Variants in KATNA1 observed in about 807,000 individuals in gnomAD.
KATNA1 encodes the protein katanin p60 ATPase-containing subunit A1.
In KATNA1, 42 loss-of-function variants were observed where a neutral mutation model predicts 62.6. The ratio of observed to expected loss-of-function variants is 0.67; its 90% CI spans 0.52 to 0.87. KATNA1 has a LOEUF of 0.87. KATNA1 is among the 40% of genes least tolerant of loss of function. The probability of loss-of-function intolerance (pLI) is 0.00; values close to 1 mark genes in which losing one functional copy is unlikely to be tolerated. For synonymous variants in KATNA1, 186 were observed against 201.9 expected (o/e 0.92, Z 0.67); for missense variants, 498 against 612.5 (o/e 0.81, Z 1.97).
At chr6:149,645,595 C>T (rs1437618876) in intron 1 of KATNA1, among the ~76,000 whole-genome samples, 3 of 152,032 alleles carry the variant, frequency 2.0e-5, no homozygotes, top group African/African-American at 7.2e-5. Context: ...CTTGGTTACA[C>T]AGATTATTAG....
At chr6:149,638,343 G>A (rs190393533) in intron 2 of KATNA1, 43 bp downstream of exon 2, 73 of 1,575,112 alleles carry the variant, frequency 4.6e-5, no homozygotes, top group Non-Finnish European at 6.0e-5. Context: ...TTTCTCTTCC[G>A]AGTACTTAAG....
chr6:149,647,988 G>C (rs1461094204), intron 1 of KATNA1, among the ~76,000 whole-genome samples: 2 of 152,110 alleles, frequency 1.3e-5, no homozygotes, highest in Non-Finnish European at 2.9e-5. Context: ...TAAACCAAAA[G>C]GCCCACAGGC....
chr6:149,600,623 A>G (rs1464278243), intron 7 of KATNA1, among the ~76,000 whole-genome samples: 1 of 151,832 alleles, frequency 6.6e-6, no homozygotes, highest in Non-Finnish European at 1.5e-5. Context: ...ACAGAATGAG[A>G]CCCTGTCAAA....
intron 3 of KATNA1, among the ~76,000 whole-genome samples, chr6:149,624,779 AAAAC>A (rs548979451): frequency 6.6e-6 from 1 of 151,618 alleles, no homozygotes; most frequent in Non-Finnish European, 1.5e-5. Flanking sequence ...TACAAGGGGG[AAAAC>A]AAACAAACAA....
rs1240550719 is a variant in KATNA1 at position 149,597,608 on chromosome 6, G to A, written c.1049C>T (p.Ser350Phe). The change falls in exon 9 of 11, where the codon TCC becomes TTC. Residue 350 changes from serine (S) to phenylalanine (F), a missense_variant. Around this residue, in one of 3 missense-constraint regions of KATNA1, gnomAD observed 267 missense variants for 372.6 expected, o/e 0.72. Transcript: ENST00000367411. The part of the protein sequence containing the change: ...VGGTSENDDP[S>F]KMVMVLAATN... ...AGCTGCCAGAACCATAACCATTTTG[G>A]AAGGGTCATCATTTTCAGAAGTACC... is the stretch of plus-strand genomic sequence containing the variant. 1 of 1,613,944 alleles carries A rather than the reference G, an allele frequency of 6.2e-7. No homozygotes were observed.
At chr6:149,630,729 T>A (rs1413407916) in intron 3 of KATNA1, among the ~76,000 whole-genome samples, 2 of 152,242 alleles carry the variant, frequency 1.3e-5, no homozygotes, top group Non-Finnish European at 2.9e-5. Context: ...TCTCAAAATG[T>A]GGCCTATGGA....
At chr6:149,640,737 T>G (rs888605625) in intron 1 of KATNA1, among the ~76,000 whole-genome samples, 1 of 152,010 alleles carries the variant, frequency 6.6e-6, no homozygotes, top group East Asian at 2.0e-4. Flanking sequence ...TTAGTAGAGA[T>G]AGGGTTTCAC....
intron 1 of KATNA1, among the ~76,000 whole-genome samples, chr6:149,646,395 G>C (rs1780489899): frequency 6.6e-6 from 1 of 152,128 alleles, no homozygotes; most frequent in South Asian, 2.1e-4. Flanking sequence ...GCCCAATCAT[G>C]CATCTTCCTG....
In KATNA1 at chr6:149,623,147, G is replaced by T. The variant is rs373230292; in HGVS notation, c.457C>A (p.Arg153Ser). 3 of 1,608,654 alleles carry T rather than the reference G, an allele frequency of 1.9e-6. No individual in the cohort carries two copies. The African/African-American group carries it at 4.0e-5, about 22-fold the overall frequency. The change falls in exon 4 of 11, where the codon CGT (arginine) becomes AGT (serine). Residue 153 changes from arginine (R) to serine (S), a missense_variant. By Grantham distance (110) the Arg-to-Ser change is moderately radical (BLOSUM62 -1). Transcript: ENST00000367411. ...NVHNDRGKAV[R>S]CREKKEQNKG... ...TTCTGTTCTTTCTTTTCACGACAAC[G>T]AACAGCTTTCCCTCTGTCATTGTGA...
chr6:149,608,311 CA>C (rs1292596273), intron 4 of KATNA1, among the ~76,000 whole-genome samples: 1 of 152,160 alleles, frequency 6.6e-6, no homozygotes, highest in Non-Finnish European at 1.5e-5. Flanking sequence ...GGAACTCAAA[CA>C]TGGTGTGAGT....
chr6:149,603,213 C>G, intron 6 of KATNA1, 55 bp downstream of exon 6: 1 of 725,818 alleles, frequency 1.4e-6, no homozygotes, highest in Non-Finnish European at 2.4e-6. Context: ...TATTGGCTCT[C>G]TGTATCAACA....
chr6:149,601,689 C>G lies in KATNA1; in HGVS notation c.793G>C (p.Glu265Gln). The G allele has an allele frequency of 6.2e-7, 1 of 1,612,826 alleles. No homozygotes were observed. Among genetic ancestry groups the G allele is most frequent in the Non-Finnish European group, 8.5e-7 (1 of 1,179,626 alleles). The part of the protein sequence containing the change: ...KTLLAKAVAT[E>Q]CKTTFFNVSS... ...ACATTGAAGAATGTTGTCTTGCATT[C>G]TGTAGCTACTGCTTTAGCAAGGAGC... is the stretch of plus-strand genomic sequence containing the variant. Residue 265 changes from glutamate (E) to glutamine (Q), a missense_variant, in exon 7 of 11, where the codon GAA becomes CAA. Transcript: ENST00000367411.
chr6:149,626,292 C>CTTTTTATTTTTTTTTTTTT (rs1779604745), intron 3 of KATNA1, among the ~76,000 whole-genome samples: 1 of 88,748 alleles, frequency 1.1e-5, no homozygotes, highest in Admixed American at 1.6e-4. Context: ...ATAACATTTA[C>CTTTTTATTTTTTTTTTTTT]TTTTTTTTTT....
Position 149,595,086 on chromosome 6 carries a change from C to T in KATNA1, c.1426G>A (p.Ala476Thr), listed in dbSNP as rs2115069085. The T allele has an allele frequency of 1.2e-6, 2 of 1,614,056 alleles. No individual in the cohort carries two copies. The highest frequency in any genetic ancestry group is 1.7e-6 in the Non-Finnish European group (2 of 1,179,982). ...CATTTCTCGTATCTTTCAATGTCTG[C>T]AGCAGACACTGACTTAGAAACCTTT... is the stretch of plus-strand genomic sequence containing the variant. ...LKKVSKSVSA[A>T]DIERYEKWIF... Residue 476 changes from alanine to threonine, a missense_variant, in exon 11 of 11, where the codon GCA (alanine) becomes ACA (threonine). This residue lies in a region of KATNA1 where 267 missense variants were observed against 372.6 expected (regional missense o/e 0.72). Coordinates refer to ENST00000367411, the MANE Select transcript of KATNA1 (RefSeq NM_007044.4).
chr6:149,595,661 T>TA (rs918509604), intron 10 of KATNA1, among the ~76,000 whole-genome samples: 1,757 of 143,244 alleles, frequency 0.012, 26 homozygotes, highest in African/African-American at 0.035. Flanking sequence ...TCATTTGTGT[T>TA]AAAAAAAAAA....
intron 3 of KATNA1, among the ~76,000 whole-genome samples, chr6:149,632,462 A>C (rs756734807): frequency 6.6e-6 from 1 of 152,174 alleles, no homozygotes; most frequent in African/African-American, 2.4e-5. Context: ...AAAGACAGAC[A>C]CGGAGCTTGG....
chr6:149,638,728 TTG>T, intron 1 of KATNA1, 168 bp from the exon 2 acceptor site: 13 of 287,504 alleles, frequency 4.5e-5, no homozygotes, highest in South Asian at 2.2e-4. Flanking sequence ...AAAAAAAACA[TTG>T]TTTTTTTTTT....
chr6:149,616,183 T>A (rs1289774043), intron 4 of KATNA1, among the ~76,000 whole-genome samples: 1 of 152,208 alleles, frequency 6.6e-6, no homozygotes, highest in Non-Finnish European at 1.5e-5. Context: ...TTAGTACAAC[T>A]GCACCGTACA....
At chr6:149,595,661 TAA>T (rs918509604) in intron 10 of KATNA1, among the ~76,000 whole-genome samples, 9 of 143,460 alleles carry the variant, frequency 6.3e-5, no homozygotes, top group African/African-American at 2.3e-4. Flanking sequence ...TCATTTGTGT[TAA>T]AAAAAAAAAA....
Sources: allele counts gnomAD v4.1 joint callset (sites outside exome capture counted in the v4.1 genomes callset), GRCh38; gene constraint gnomAD v4.1.1; regional missense constraint gnomAD v4.1.1; transcripts MANE v1.5; gene names NCBI Gene and HGNC (gene_info 2026-07-23, HGNC 2026-07-21).